KIF26A: variants seen among roughly 807,000 people sequenced by gnomAD.
KIF26A encodes the protein kinesin-like protein KIF26A.
In KIF26A, 74 loss-of-function variants were observed where a neutral mutation model predicts 126.0. The ratio of observed to expected loss-of-function variants is 0.59; its 90% CI spans 0.49 to 0.71. KIF26A has a LOEUF of 0.71. Among genes scored for constraint, KIF26A ranks in the 30% least tolerant of loss-of-function variants. The probability of loss-of-function intolerance (pLI) is 0.00; values close to 1 mark genes in which losing one functional copy is unlikely to be tolerated. For missense variants in KIF26A, 2,984 were observed against 2,763.3 expected, an observed-to-expected ratio of 1.08 and a Z score of -1.79; for synonymous variants, 1,445 against 1,232.7, an observed-to-expected ratio of 1.17 and a Z score of -3.61.
intron 2 of KIF26A, among the ~76,000 whole-genome samples, chr14:104,149,388 C>A (rs535272479): frequency 6.6e-6 from 1 of 152,308 alleles, no homozygotes; most frequent in Admixed American, 6.5e-5. Context: ...ACCTGGGCTG[C>A]TGGGGGAAGG....
At chr14:104,178,503 G>T (rs1374064503) in intron 12 of KIF26A, 47 bp from the exon 13 acceptor site, 2 of 1,375,828 alleles carry the variant, frequency 1.5e-6, no homozygotes, top group Non-Finnish European at 1.9e-6. Flanking sequence ...GCTGTGCTTG[G>T]GCTGGGCCCC....
chr14:104,144,276 A>G (rs1022565555), intron 2 of KIF26A, among the ~76,000 whole-genome samples: 29 of 152,070 alleles, frequency 1.9e-4, no homozygotes, highest in African/African-American at 7.0e-4. Flanking sequence ...GCAGAGATGG[A>G]GCCCTAGCGG....
chr14:104,178,495 T>C (rs1192333602), intron 12 of KIF26A, 55 bp from the exon 13 acceptor site: 3 of 1,329,940 alleles, frequency 2.3e-6, no homozygotes, highest in Non-Finnish European at 3.0e-6. Context: ...CCGCAGGGGC[T>C]GTGCTTGGGC....
chr14:104,153,565 A>G (rs1005363843), intron 3 of KIF26A, among the ~76,000 whole-genome samples: 6 of 105,296 alleles, frequency 5.7e-5, no homozygotes, highest in Non-Finnish European at 1.0e-4. Flanking sequence ...GCCGAACCCC[A>G]CCCTTGCCAC....
intron 2 of KIF26A, among the ~76,000 whole-genome samples, chr14:104,143,819 T>C (rs1596131326): frequency 6.6e-6 from 1 of 152,084 alleles, no homozygotes; most frequent in Non-Finnish European, 1.5e-5. Flanking sequence ...CAGGGTGGGG[T>C]GCCTGGCATC....
chr14:104,174,513 A>G (rs1366547581), intron 11 of KIF26A, among the ~76,000 whole-genome samples: 3 of 152,116 alleles, frequency 2.0e-5, no homozygotes, highest in Non-Finnish European at 2.9e-5. Flanking sequence ...CCCTGGCTGC[A>G]GTGGGCAGAA....
At chr14:104,161,150 G>C (rs981854324) in intron 4 of KIF26A, among the ~76,000 whole-genome samples, 3 of 152,238 alleles carry the variant, frequency 2.0e-5, no homozygotes, top group African/African-American at 7.2e-5. Context: ...AGCAGGGCTG[G>C]GAGTTGGAGG....
Position 104,175,155 on chromosome 14 carries a change from G to A in KIF26A, c.2367G>A (p.Thr789=), listed in dbSNP as rs764469239. The change falls in exon 12 of 15, where the codon ACG becomes ACA. Residue 789 remains threonine (T), a synonymous_variant. Transcript: ENST00000423312. Reference sequence around the variant, plus strand: ...CCAGCAGCGAGCAGTCCTGTGACACGGTCATCTACGTGGGGCCCGGTGGGG... The same window carrying A: ...CCAGCAGCGAGCAGTCCTGTGACACAGTCATCTACGTGGGGCCCGGTGGGG... ...YSSSSEQSCD[T]VIYVGPGGAA... is the part of the protein sequence containing the mutation. 32 of 1,607,518 alleles carry A rather than the reference G, an allele frequency of 2.0e-5. No individual in the cohort carries two copies. Among genetic ancestry groups the A allele is most frequent in the Non-Finnish European group, 2.5e-5 (29 of 1,177,936 alleles).
rs2038025938 is a variant in KIF26A, at chr14:104,176,280, C to G, written c.3492C>G (p.Asp1164Glu). 6.3e-6 allele frequency: 10 copies of G among 1,590,500 alleles called. No homozygotes were observed. In the East Asian group the frequency reaches 2.3e-4, roughly 36 times the overall value. The change falls in exon 12 of 15, where the codon GAC becomes GAG. Residue 1164 changes from aspartate to glutamate, a missense_variant. Transcript: ENST00000423312. Reference sequence around the variant, plus strand: ...GAAGCTCTGGGTTCCTGGGGCCAGACAGACCTGACAGTCCTGGGCCAACCT... The same window carrying G: ...GAAGCTCTGGGTTCCTGGGGCCAGAGAGACCTGACAGTCCTGGGCCAACCT... ...GDGSSGFLGP[D>E]RPDSPGPTWG... is the part of the protein sequence containing the mutation.
rs1372415883 is a variant in KIF26A at position 104,152,274 on chromosome 14, A to G, written c.548A>G (p.Gln183Arg). 1 of 1,589,924 alleles carries G rather than the reference A, an allele frequency of 6.3e-7. No homozygotes were observed. The highest frequency in any genetic ancestry group is 1.8e-5 in the Admixed American group (1 of 56,738). Residue 183 changes from glutamine (Q) to arginine (R), a missense_variant, in exon 3 of 15, where the codon CAG becomes CGG. Coordinates refer to ENST00000423312, the MANE Select transcript of KIF26A (RefSeq NM_015656.2). The surrounding 1 kb of genome is among the most constrained non-coding windows in gnomAD (Gnocchi z 5.9). The part of the protein sequence containing the change: ...TPGPAGPAGR[Q>R]PGRAGPDRTK... The stretch of plus-strand genomic sequence containing the variant: ...GGACCAGCGGGTCCTGCAGGGAGGC[A>G]GCCAGGACGAGCTGGGCCAGACAGG...
At chr14:104,149,897 C>T (rs1362123185) in intron 2 of KIF26A, among the ~76,000 whole-genome samples, 3 of 152,210 alleles carry the variant, frequency 2.0e-5, no homozygotes, top group African/African-American at 7.2e-5. Flanking sequence ...ATAGCTCCAG[C>T]AGGCGGGGAC....
In KIF26A at chr14:104,176,631, G is replaced by C; in HGVS notation, c.3843G>C (p.Gln1281His). The part of the protein sequence containing the change: ...PEAQVMLACA[Q>H]RVVDGCEVAA... Reference sequence around the variant, plus strand: ...CCCAGGTGATGCTAGCCTGTGCCCAGAGAGTGGTGGACGGGTGTGAGGTGG... The same window carrying C: ...CCCAGGTGATGCTAGCCTGTGCCCACAGAGTGGTGGACGGGTGTGAGGTGG... Residue 1281 changes from glutamine to histidine, a missense_variant, in exon 12 of 15, where the codon CAG becomes CAC. Coordinates refer to ENST00000423312, the MANE Select transcript of KIF26A (RefSeq NM_015656.2). 1 of 1,607,838 alleles carries C rather than the reference G, an allele frequency of 6.2e-7. No homozygotes were observed. The highest frequency in any genetic ancestry group is 1.3e-5 in the African/African-American group (1 of 75,026).
At position 104,176,963 on chromosome 14, in the gene KIF26A, C is replaced by T; in HGVS notation, c.4175C>T (p.Ala1392Val). The change falls in exon 12 of 15, where the codon GCT becomes GTT. Residue 1392 changes from alanine (A) to valine (V), a missense_variant. By Grantham distance (64) the Ala-to-Val change is moderately conservative (BLOSUM62 0). Transcript: ENST00000423312. ...GCTGTGAACCCGGCGCGGGTCGGGG[C>T]TGCTGCTGTCCTTCGAGGGGAGGAG... ...PHAVNPARVGAAAVLRGEEEP... is the reference protein window; with the variant it reads ...PHAVNPARVGVAAVLRGEEEP... 1 of 1,535,232 alleles carries T rather than the reference C, an allele frequency of 6.5e-7. No individual in the cohort carries two copies.
At chr14:104,142,623 A>C (rs539589786) in intron 2 of KIF26A, among the ~76,000 whole-genome samples, 1 of 152,208 alleles carries the variant, frequency 6.6e-6, no homozygotes, top group Non-Finnish European at 1.5e-5. Context: ...GGGAGGTTGC[A>C]GCCTGGTGCC....
At chr14:104,155,467 C>G (rs1171620353) in intron 3 of KIF26A, among the ~76,000 whole-genome samples, 1 of 138,720 alleles carries the variant, frequency 7.2e-6, no homozygotes, top group Admixed American at 7.5e-5. Flanking sequence ...CCTCACGCTC[C>G]CCTCTCTCCT....
chr14:104,175,472 C>T lies in KIF26A; in HGVS notation c.2684C>T (p.Ala895Val). 1.3e-6 allele frequency: 2 copies of T among 1,592,670 alleles called. No individual in the cohort carries two copies. Among genetic ancestry groups the T allele is most frequent in the Non-Finnish European group, 1.7e-6 (2 of 1,176,788 alleles). Residue 895 changes from alanine to valine, a missense_variant, in exon 12 of 15, where the codon GCT becomes GTT. Coordinates refer to ENST00000423312, the MANE Select transcript of KIF26A (RefSeq NM_015656.2). Reference sequence around the variant, plus strand: ...AGGAAGGCCGTGGGCACCCCGATGGCTGCCAGCACCCCTCGAGGCAGTTCT... The same window carrying T: ...AGGAAGGCCGTGGGCACCCCGATGGTTGCCAGCACCCCTCGAGGCAGTTCT... Reference protein sequence around the residue: ...SPRKAVGTPMAASTPRGSSGP... With the variant: ...SPRKAVGTPMVASTPRGSSGP...
chr14:104,163,798 C>T (rs143429134), intron 4 of KIF26A, among the ~76,000 whole-genome samples: 2,579 of 151,838 alleles, frequency 0.017, 75 homozygotes, highest in African/African-American at 0.059. Context: ...GGACCTCACC[C>T]GGCATCGCCA....
chr14:104,177,857 C>T lies in KIF26A; in HGVS notation c.5069C>T (p.Ala1690Val), dbSNP rs1353104886. The change falls in exon 12 of 15, where the codon GCC (alanine) becomes GTC (valine). Residue 1690 changes from alanine (A) to valine (V), a missense_variant. By Grantham distance (64) the Ala-to-Val change is moderately conservative (BLOSUM62 0). Coordinates refer to ENST00000423312, the MANE Select transcript of KIF26A (RefSeq NM_015656.2). ...GAGAGTGGGGCTGCCTCCCCAGGCG[C>T]CCGCACCCGCAGCCTCAAGTCCCCC... is the stretch of plus-strand genomic sequence containing the variant. The part of the protein sequence containing the change: ...MSESGAASPG[A>V]RTRSLKSPKK... 4 of 1,557,840 alleles carry T rather than the reference C, an allele frequency of 2.6e-6. No individual in the cohort carries two copies. Among genetic ancestry groups the T allele is most frequent in the South Asian group, 1.2e-5 (1 of 85,712 alleles).
intron 2 of KIF26A, among the ~76,000 whole-genome samples, chr14:104,150,302 G>C (rs572271973): frequency 1.3e-5 from 2 of 150,912 alleles, no homozygotes; most frequent in South Asian, 4.3e-4. Flanking sequence ...AGGGGCATTG[G>C]CTAATCGGGA....
Sources: allele counts gnomAD v4.1 joint callset (sites outside exome capture counted in the v4.1 genomes callset), GRCh38; gene constraint gnomAD v4.1.1; non-coding constraint Gnocchi (gnomAD v3.1); transcripts MANE v1.5; gene names NCBI Gene and HGNC (gene_info 2026-07-23, HGNC 2026-07-21).